Variants in SNCAIP observed in about 807,000 individuals in gnomAD.
SNCAIP encodes the protein synuclein alpha interacting protein.
In SNCAIP, 43 loss-of-function variants were observed where a neutral mutation model predicts 86.7. That is an observed-to-expected ratio of 0.50 (90% CI 0.39 to 0.64). SNCAIP has a LOEUF of 0.64. Among genes scored for constraint, SNCAIP ranks in the 30% least tolerant of loss-of-function variants. The pLI, the probability that SNCAIP is intolerant of heterozygous loss-of-function variation, is 0.00. For synonymous variants in SNCAIP, 417 were observed against 427.2 expected (o/e 0.98, Z 0.29); for missense variants, 981 against 1,103.1 (o/e 0.89, Z 1.57).
intron 7 of SNCAIP, chr5:122,443,695 G>C (rs3811879): frequency 0.23 from 105,498 of 454,490 alleles, 13,699 homozygotes; most frequent in South Asian, 0.31. Context: ...GGTATGAAGA[G>C]AAAAAGTCCG....
At chr5:122,383,352 G>A (rs1189307546) in intron 1 of SNCAIP, 1 of 152,862 alleles carries the variant, frequency 6.5e-6, no homozygotes, top group Admixed American at 6.5e-5. Flanking sequence ...GGAACTCCCT[G>A]ACCCCTTGCG....
At chr5:122,358,144 G>GCCCT (rs1580654781) in intron 1 of SNCAIP, among the ~76,000 whole-genome samples, 1 of 150,068 alleles carries the variant, frequency 6.7e-6, no homozygotes, top group East Asian at 2.0e-4. Flanking sequence ...ATCAAAGAAA[G>GCCCT]AAAAATTTGT....
intron 1 of SNCAIP, among the ~76,000 whole-genome samples, chr5:122,381,361 A>C (rs2152816507): frequency 7.2e-6 from 1 of 138,638 alleles, no homozygotes; most frequent in South Asian, 2.5e-4. Flanking sequence ...CTAGGATTGC[A>C]ACCCCTGCCT....
intron 1 of SNCAIP, among the ~76,000 whole-genome samples, chr5:122,326,088 C>T (rs1166876732): frequency 6.6e-6 from 1 of 152,158 alleles, no homozygotes; most frequent in African/African-American, 2.4e-5. Context: ...ATATTGACAG[C>T]TCAGCATCTT....
intron 6 of SNCAIP, among the ~76,000 whole-genome samples, chr5:122,438,692 T>TGTCCATGC (rs1424201157): frequency 8.5e-5 from 13 of 152,232 alleles, no homozygotes; most frequent in African/African-American, 3.1e-4. Flanking sequence ...TCCAAGAATC[T>TGTCCATGC]GTCCATGCCA....
At chr5:122,394,649 A>G (rs1770194363) in intron 2 of SNCAIP, among the ~76,000 whole-genome samples, 2 of 152,218 alleles carry the variant, frequency 1.3e-5, no homozygotes, top group Admixed American at 6.5e-5. Flanking sequence ...CTTAAAAACA[A>G]AAACCCTCTG....
intron 1 of SNCAIP, among the ~76,000 whole-genome samples, chr5:122,363,091 G>A (rs2152771746): frequency 6.7e-6 from 1 of 150,312 alleles, no homozygotes; most frequent in South Asian, 2.1e-4. Flanking sequence ...CCACCTCCCA[G>A]GATCAAGCGA....
At chr5:122,331,327 T>C (rs1402046300) in intron 1 of SNCAIP, among the ~76,000 whole-genome samples, 1 of 152,226 alleles carries the variant, frequency 6.6e-6, no homozygotes. Flanking sequence ...CAGTCCCTTT[T>C]ACTATTCACT....
At chr5:122,338,523 A>C (rs1756946047) in intron 1 of SNCAIP, among the ~76,000 whole-genome samples, 1 of 152,216 alleles carries the variant, frequency 6.6e-6, no homozygotes, top group Non-Finnish European at 1.5e-5. Flanking sequence ...TGGGTATTAA[A>C]ATGGTCACAG....
chr5:122,354,600 T>C (rs1321358728), intron 1 of SNCAIP, among the ~76,000 whole-genome samples: 1 of 152,214 alleles, frequency 6.6e-6, no homozygotes, highest in East Asian at 1.9e-4. Context: ...TTGCCCTGAC[T>C]GAAATGATTG....
chr5:122,409,653 G>A (rs535767395), intron 3 of SNCAIP, among the ~76,000 whole-genome samples: 10 of 152,266 alleles, frequency 6.6e-5, no homozygotes, highest in Non-Finnish European at 1.0e-4. Flanking sequence ...TAAAAGCATT[G>A]CAAATTCGCT....
At chr5:122,458,907 C>G (rs1405436167) in intron 10 of SNCAIP, among the ~76,000 whole-genome samples, 2 of 150,536 alleles carry the variant, frequency 1.3e-5, no homozygotes, top group African/African-American at 2.5e-5. Flanking sequence ...CAGTGTCTTG[C>G]TTGGTGCCTG....
chr5:122,366,586 A>C (rs7447041), intron 1 of SNCAIP, among the ~76,000 whole-genome samples: 1 of 152,142 alleles, frequency 6.6e-6, no homozygotes, highest in Non-Finnish European at 1.5e-5. Flanking sequence ...GTGTGGTCAT[A>C]AGAGAAGGAG....
intron 10 of SNCAIP, among the ~76,000 whole-genome samples, chr5:122,452,697 G>A (rs1783946382): frequency 6.6e-6 from 1 of 152,154 alleles, no homozygotes; most frequent in Admixed American, 6.5e-5. Context: ...TGGGTTAAAT[G>A]TGTCAAAACT....
At chr5:122,402,892 A>G (rs1254941017) in intron 2 of SNCAIP, among the ~76,000 whole-genome samples, 1 of 152,208 alleles carries the variant, frequency 6.6e-6, no homozygotes, top group Non-Finnish European at 1.5e-5. Context: ...AAATAGTTTC[A>G]GGGAGCTGCA....
intron 2 of SNCAIP, 82 bp downstream of exon 2, chr5:122,391,273 A>T (rs1769288133): frequency 1.0e-6 from 1 of 1,002,730 alleles, no homozygotes; most frequent in South Asian, 1.3e-5. Flanking sequence ...TATAGTCTAT[A>T]TATCCTCAAC....
At position 122,422,941 on chromosome 5, in the gene SNCAIP, T is replaced by C. The variant is rs770583296; in HGVS notation, c.204T>C (p.Asp68=). The change falls in exon 4 of 11, where the codon GAT becomes GAC. Residue 68 remains aspartate, a synonymous_variant. Transcript: ENST00000261368. The stretch of plus-strand genomic sequence containing the variant: ...CGCAAAAGCCCACAGGAATCGCTGA[T>C]GTGTACAGTAAGTTCCGCCCAGTGA... ...TNTQKPTGIA[D]VYSKFRPVKR... The C allele has an allele frequency of 1.7e-5, 28 of 1,614,070 alleles. No individual in the cohort carries two copies. The South Asian group carries it at 2.3e-4, about 13-fold the overall frequency.
upstream of SNCAIP, chr5:122,311,627 T>G (rs1440882961): frequency 1.9e-5 from 2 of 106,200 alleles, no homozygotes; most frequent in Non-Finnish European, 1.9e-5. Flanking sequence ...TGGATCACGG[T>G]GAGGGGGCGA....
chr5:122,365,495 A>G (rs569813019), intron 1 of SNCAIP, among the ~76,000 whole-genome samples: 1 of 152,244 alleles, frequency 6.6e-6, no homozygotes, highest in African/African-American at 2.4e-5. Context: ...CCTGGCCAAC[A>G]TGGTGAAACC....
Sources: gnomAD v4.1 joint callset for allele counts (sites outside exome capture counted in the v4.1 genomes callset) on GRCh38, gnomAD v4.1.1 for gene constraint, MANE v1.5 for transcripts, NCBI Gene and HGNC (gene_info 2026-07-23, HGNC 2026-07-21) for gene names.